The following MAGI2 variants were observed in gnomAD, a reference collection of about 807,000 sequenced individuals.
MAGI2 encodes the protein membrane associated guanylate kinase, WW and PDZ domain containing 2.
Under a neutral mutation model 133.3 loss-of-function variants are expected in MAGI2, and 35 were observed. The observed-to-expected ratio is 0.26, with a 90% CI of 0.20 to 0.35. The LOEUF is 0.35. Among genes scored for constraint, MAGI2 ranks in the 10% least tolerant of loss-of-function variants. The pLI, the probability that MAGI2 is intolerant of heterozygous loss-of-function variation, is 1.00. For synonymous variants in MAGI2, 729 were observed against 710.6 expected, an observed-to-expected ratio of 1.03 and a Z score of -0.41; for missense variants, 1,636 against 1,863.4, an observed-to-expected ratio of 0.88 and a Z score of 2.25.
At chr7:79,108,208 T>G (rs531959066) in intron 1 of MAGI2, among the ~76,000 whole-genome samples, 3 of 152,310 alleles carry the variant, frequency 2.0e-5, no homozygotes, top group African/African-American at 7.2e-5. Context: ...TTTGTCAGTA[T>G]GCTGAGTGTC....
At chr7:79,244,274 G>A (rs1204623885) in intron 1 of MAGI2, among the ~76,000 whole-genome samples, 1 of 152,176 alleles carries the variant, frequency 6.6e-6, no homozygotes, top group African/African-American at 2.4e-5. Flanking sequence ...ACACAGAAAA[G>A]TGCCTTCATA....
At chr7:79,067,784 T>C (rs2117126192) in intron 1 of MAGI2, among the ~76,000 whole-genome samples, 1 of 152,348 alleles carries the variant, frequency 6.6e-6, no homozygotes, top group East Asian at 1.9e-4. Flanking sequence ...ATTCCATCAA[T>C]ACCTAGTTTA....
intron 2 of MAGI2, among the ~76,000 whole-genome samples, chr7:78,990,941 C>CACACACAG (rs982105642): frequency 7.5e-5 from 11 of 146,756 alleles, no homozygotes; most frequent in African/African-American, 2.0e-4. Context: ...CACACACACA[C>CACACACAG]AGAGATATGG....
At chr7:78,065,788 C>G (rs1182281416) in intron 21 of MAGI2, 2 of 453,322 alleles carry the variant, frequency 4.4e-6, no homozygotes, top group Admixed American at 7.8e-5. Flanking sequence ...TAAAAATTAT[C>G]TAGGCAGTAA....
At chr7:79,186,340 T>G (rs1316081564) in intron 1 of MAGI2, among the ~76,000 whole-genome samples, 2 of 149,020 alleles carry the variant, frequency 1.3e-5, no homozygotes, top group South Asian at 4.2e-4. Context: ...TAAATATTGA[T>G]CATTGTAGAG....
intron 6 of MAGI2, among the ~76,000 whole-genome samples, chr7:78,380,873 C>T (rs183834431): frequency 1.3e-5 from 2 of 152,120 alleles, no homozygotes; most frequent in Admixed American, 1.3e-4. Context: ...CACTGTGTAT[C>T]CACAAAAATA....
chr7:79,169,422 A>G (rs1418935662), intron 1 of MAGI2, among the ~76,000 whole-genome samples: 1 of 152,160 alleles, frequency 6.6e-6, no homozygotes, highest in Non-Finnish European at 1.5e-5. Flanking sequence ...ATATTTAACT[A>G]TATAGATTTT....
chr7:78,039,197 A>C (rs1810546029), intron 21 of MAGI2, among the ~76,000 whole-genome samples: 1 of 152,234 alleles, frequency 6.6e-6, no homozygotes, highest in African/African-American at 2.4e-5. Context: ...TGAGGGAAGA[A>C]TTGAAATTAT....
At chr7:79,243,544 T>G (rs1832581161) in intron 1 of MAGI2, among the ~76,000 whole-genome samples, 2 of 152,174 alleles carry the variant, frequency 1.3e-5, no homozygotes, top group African/African-American at 2.4e-5. Flanking sequence ...GTTAAAAATA[T>G]GATCTCCAGG....
At chr7:79,344,217 T>TA (rs35800680) in intron 1 of MAGI2, among the ~76,000 whole-genome samples, 2,137 of 149,280 alleles carry the variant, frequency 0.014, 54 homozygotes, top group African/African-American at 0.047. Flanking sequence ...CTTCACTGGT[T>TA]AAAAAAAAAA....
At position 78,819,523 on chromosome 7, in the gene MAGI2, C is replaced by T. The variant is rs184198969; in HGVS notation, c.418+187567G>A. 1.1e-3 allele frequency among the ~76,000 whole-genome samples: 170 copies of T among 152,008 alleles called. 4 individuals are homozygous for T. The South Asian group carries it at 0.024, about 21-fold the overall frequency. On this transcript the variant is annotated intron_variant, in intron 2 of 21. Coordinates refer to ENST00000354212, the MANE Select transcript of MAGI2 (RefSeq NM_012301.4). ...TTGGGATTTATGCATTTTTGTTAGA[C>T]GTCTCACATTTTTAAAAATTGAAAC...
At chr7:79,240,411 T>C (rs1001531019) in intron 1 of MAGI2, among the ~76,000 whole-genome samples, 5 of 151,428 alleles carry the variant, frequency 3.3e-5, no homozygotes, top group Non-Finnish European at 7.4e-5. Context: ...TGGGAGCCTA[T>C]GTCACCTCCT....
chr7:79,044,624 A>G (rs1476087278), intron 1 of MAGI2, among the ~76,000 whole-genome samples: 1 of 151,998 alleles, frequency 6.6e-6, no homozygotes, highest in Non-Finnish European at 1.5e-5. Flanking sequence ...GAAGAAAGGA[A>G]GTCAAACTAT....
At chr7:79,042,589 A>C (rs141137448) in intron 1 of MAGI2, among the ~76,000 whole-genome samples, 1 of 152,226 alleles carries the variant, frequency 6.6e-6, no homozygotes, top group South Asian at 2.1e-4. Flanking sequence ...CCAGATTCAT[A>C]AAATAGCTAT....
intron 7 of MAGI2, among the ~76,000 whole-genome samples, chr7:78,362,616 A>G (rs112746020): frequency 2.6e-5 from 4 of 152,198 alleles, no homozygotes; most frequent in Non-Finnish European, 5.9e-5. Context: ...AGCCTGAGTC[A>G]GCTAGAAGGA....
chr7:78,227,530 T>C (rs544744719), intron 10 of MAGI2, among the ~76,000 whole-genome samples: 1 of 152,348 alleles, frequency 6.6e-6, no homozygotes, highest in Admixed American at 6.5e-5. Context: ...TAACCTTAAA[T>C]CCTTGTCCAC....
At chr7:78,493,343 A>T (rs569724427) in intron 5 of MAGI2, among the ~76,000 whole-genome samples, 2 of 152,224 alleles carry the variant, frequency 1.3e-5, no homozygotes, top group Admixed American at 1.3e-4. Context: ...CATTTCAACA[A>T]GAAAAGCTAT....
chr7:78,579,660 C>T (rs1303351249), intron 3 of MAGI2, among the ~76,000 whole-genome samples: 1 of 152,080 alleles, frequency 6.6e-6, no homozygotes, highest in African/African-American at 2.4e-5. Context: ...CTTTGTCTTG[C>T]CATTTCTTTA....
chr7:79,318,615 G>A (rs545566588), intron 1 of MAGI2, among the ~76,000 whole-genome samples: 1 of 152,268 alleles, frequency 6.6e-6, no homozygotes, highest in South Asian at 2.1e-4. Context: ...TATTAGGCAT[G>A]TGTTAAAAAC....
Sources: allele counts gnomAD v4.1 joint callset (sites outside exome capture counted in the v4.1 genomes callset), GRCh38; gene constraint gnomAD v4.1.1; transcripts MANE v1.5; gene names NCBI Gene and HGNC (gene_info 2026-07-23, HGNC 2026-07-21).